The following DZANK1 variants were observed in gnomAD, a reference collection of about 807,000 sequenced individuals.
The protein encoded by DZANK1 is double zinc ribbon and ankyrin repeat domains 1.
DZANK1 carries 91 observed loss-of-function variants against 94.5 expected under a neutral mutation model. The observed-to-expected ratio is 0.96, with a 90% CI of 0.81 to 1.15. DZANK1 has a LOEUF of 1.15. Among genes scored for constraint, DZANK1 ranks in the 50% most tolerant of loss-of-function variants. The pLI is 0.00. For missense variants in DZANK1, 903 were observed against 916.4 expected, an observed-to-expected ratio of 0.99 and a Z score of 0.19; for synonymous variants, 312 against 325.3, an observed-to-expected ratio of 0.96 and a Z score of 0.44.
intron 8 of DZANK1, among the ~76,000 whole-genome samples, chr20:18,439,141 T>C (rs2058638379): frequency 6.6e-6 from 1 of 152,240 alleles, no homozygotes; most frequent in African/African-American, 2.4e-5. Flanking sequence ...CACAGTGGTG[T>C]TCTGAATCTC....
At chr20:18,384,449 G>A in exon 21 of DZANK1, 1 of 1,612,010 alleles carries the variant, frequency 6.2e-7, no homozygotes, top group African/African-American at 1.3e-5. Flanking sequence ...TGGTCCTCAA[G>A]CCCTTGGCCA....
chr20:18,426,214 G>A (rs1007219067), intron 10 of DZANK1, among the ~76,000 whole-genome samples: 1 of 152,122 alleles, frequency 6.6e-6, no homozygotes, highest in East Asian at 1.9e-4. Flanking sequence ...CTGTGCATGC[G>A]AGGGATCTAG....
At chr20:18,442,318 C>G (rs951949046) in intron 8 of DZANK1, among the ~76,000 whole-genome samples, 2 of 152,082 alleles carry the variant, frequency 1.3e-5, no homozygotes, top group African/African-American at 2.4e-5. Flanking sequence ...AAAAATCAAC[C>G]AATGGGACTT....
At chr20:18,464,783 C>T (rs1372784459) in intron 2 of DZANK1, among the ~76,000 whole-genome samples, 3 of 145,650 alleles carry the variant, frequency 2.1e-5, no homozygotes, top group Non-Finnish European at 4.5e-5. Context: ...TCAAGCAATT[C>T]TCCTGCCTCA....
At chr20:18,385,792 T>C (rs1195585003) in intron 19 of DZANK1, among the ~76,000 whole-genome samples, 1 of 151,870 alleles carries the variant, frequency 6.6e-6, no homozygotes, top group Non-Finnish European at 1.5e-5. Flanking sequence ...CTCCAGTGAG[T>C]TGGGCTTACA....
At chr20:18,466,291 T>C (rs2059649096) in intron 1 of DZANK1, among the ~76,000 whole-genome samples, 1 of 152,266 alleles carries the variant, frequency 6.6e-6, no homozygotes, top group African/African-American at 2.4e-5. Context: ...TACTTATTTA[T>C]CCATTTGTGG....
intron 10 of DZANK1, among the ~76,000 whole-genome samples, chr20:18,422,799 C>CTTTTTTTTTTTTTT (rs55683540): frequency 9.4e-4 from 117 of 124,620 alleles, no homozygotes; most frequent in Non-Finnish European, 1.4e-3. Flanking sequence ...TGGCTTTGTT[C>CTTTTTTTTTTTTTT]TTTTTTTTTT....
chr20:18,403,206 A>G (rs2056778075), intron 13 of DZANK1, among the ~76,000 whole-genome samples: 1 of 152,188 alleles, frequency 6.6e-6, no homozygotes, highest in South Asian at 2.1e-4. Context: ...CATGGGATAG[A>G]TGTTCTACCT....
At chr20:18,394,963 C>T (rs1357004929) in intron 15 of DZANK1, 6 of 440,468 alleles carry the variant, frequency 1.4e-5, no homozygotes, top group African/African-American at 8.0e-5. Context: ...AGTCTGTGTG[C>T]ACCCGGACTG....
intron 9 of DZANK1, among the ~76,000 whole-genome samples, chr20:18,429,352 G>C (rs1481253763): frequency 6.6e-6 from 1 of 152,036 alleles, no homozygotes; most frequent in African/African-American, 2.4e-5. Flanking sequence ...TCATAACTTT[G>C]CCCAGTGCAT....
At chr20:18,411,974 C>T (rs1049625367) in intron 13 of DZANK1, among the ~76,000 whole-genome samples, 1 of 152,172 alleles carries the variant, frequency 6.6e-6, no homozygotes, top group African/African-American at 2.4e-5. Flanking sequence ...TAACTCATTC[C>T]CTCCAGCCCT....
chr20:18,461,941 T>C (rs144149363), intron 2 of DZANK1, among the ~76,000 whole-genome samples: 22 of 152,048 alleles, frequency 1.4e-4, no homozygotes, highest in African/African-American at 5.3e-4. Context: ...CTGCCCTCCA[T>C]GGATGGTTAA....
rs1263551895 is a variant in DZANK1, at chr20:18,452,557, G to A, written c.543+58C>T. The A allele has an allele frequency of 3.9e-6, 6 of 1,521,732 alleles. No homozygotes were observed. The East Asian group carries it at 1.2e-4, about 30-fold the overall frequency. The allele number at this position is 1,521,732 out of a possible 1,614,324, so 94.3% of individuals were successfully genotyped here. ...AGGTGCAGTCTTAAAGTATTTCATGGGAGCATTAAAAATATAGGAGGTATT... is the reference window on the plus strand; with the variant it reads ...AGGTGCAGTCTTAAAGTATTTCATGAGAGCATTAAAAATATAGGAGGTATT... On this transcript the variant is annotated intron_variant, in intron 6 of 20. Coordinates refer to ENST00000262547, the Ensembl canonical transcript of DZANK1.
Position 18,433,769 on chromosome 20 carries a change from C to A in DZANK1, c.748-4G>T, listed in dbSNP as rs777204402. ...TGCATTCTGCACACAAGCCCATCTG[C>A]ACAAGGAAAAGGTCTGGTTTATCTT... On this transcript the variant is annotated splice_region_variant and splice_polypyrimidine_tract_variant and intron_variant, in intron 8 of 20. Coordinates refer to ENST00000262547, the Ensembl canonical transcript of DZANK1. 1.2e-5 allele frequency: 19 copies of A among 1,612,912 alleles called. No homozygotes were observed. The Admixed American group carries it at 2.3e-4, about 20-fold the overall frequency.
At chr20:18,409,131 T>C (rs983391932) in intron 13 of DZANK1, among the ~76,000 whole-genome samples, 12 of 152,116 alleles carry the variant, frequency 7.9e-5, no homozygotes, top group African/African-American at 2.9e-4. Context: ...CCCATAAATA[T>C]ATACACCTAC....
chr20:18,437,956 C>T (rs966783583), intron 8 of DZANK1, among the ~76,000 whole-genome samples: 12 of 152,016 alleles, frequency 7.9e-5, no homozygotes, highest in Non-Finnish European at 1.8e-4. Flanking sequence ...CGGTGGCTCA[C>T]GCCTGTAATC....
chr20:18,455,507 A>T, intron 3 of DZANK1, 146 bp from the exon 4 acceptor site: 1 of 674,346 alleles, frequency 1.5e-6, no homozygotes, highest in Non-Finnish European at 2.5e-6. Flanking sequence ...TGTAATTTCT[A>T]TAGTCTTTCC....
intron 10 of DZANK1, among the ~76,000 whole-genome samples, chr20:18,419,228 C>G (rs2057646323): frequency 6.7e-6 from 1 of 149,498 alleles, no homozygotes; most frequent in Non-Finnish European, 1.5e-5. Context: ...CGCCACTGCA[C>G]TCCAGCCTGG....
At chr20:18,453,219 A>T (rs1343750641) in intron 5 of DZANK1, among the ~76,000 whole-genome samples, 1 of 152,172 alleles carries the variant, frequency 6.6e-6, no homozygotes, top group Non-Finnish European at 1.5e-5. Flanking sequence ...CCACTCTGAC[A>T]TAGAGAAGCA....
Sources: gnomAD v4.1 joint callset for allele counts (sites outside exome capture counted in the v4.1 genomes callset) on GRCh38, gnomAD v4.1.1 for gene constraint, MANE v1.5 for transcripts, NCBI Gene and HGNC (gene_info 2026-07-23, HGNC 2026-07-21) for gene names.